The following MMP16 variants were observed in gnomAD, a reference collection of about 807,000 sequenced individuals.
MMP16 encodes matrix metallopeptidase 16, also known as matrix metalloproteinase-16.
MMP16 carries 12 observed loss-of-function variants against 67.8 expected under a neutral mutation model. That is an observed-to-expected ratio of 0.18 (90% CI 0.11 to 0.29). The LOEUF is 0.29. MMP16 is among the 10% of genes least tolerant of loss of function. MMP16 has a pLI of 1.00. For synonymous variants in MMP16, 249 were observed against 255.9 expected, an observed-to-expected ratio of 0.97 and a Z score of 0.26; for missense variants, 475 against 765.7, an observed-to-expected ratio of 0.62 and a Z score of 4.48.
chr8:88,081,633 T>A (rs1808753101), intron 6 of MMP16, among the ~76,000 whole-genome samples: 1 of 152,140 alleles, frequency 6.6e-6, no homozygotes, highest in Non-Finnish European at 1.5e-5. Context: ...ATACCAATGA[T>A]TAGGTTAAAT....
At chr8:88,231,799 C>G (rs1450284064) in intron 1 of MMP16, among the ~76,000 whole-genome samples, 1 of 152,184 alleles carries the variant, frequency 6.6e-6, no homozygotes, top group African/African-American at 2.4e-5. Flanking sequence ...AAAACAAGTT[C>G]TGTAATATGA....
chr8:88,288,718 T>C (rs375435260), intron 1 of MMP16, among the ~76,000 whole-genome samples: 55 of 152,338 alleles, frequency 3.6e-4, no homozygotes, highest in African/African-American at 1.3e-3. Context: ...AGTTTCCACA[T>C]CCTTTCAGGA....
At chr8:88,055,596 A>C (rs2118224248) in intron 8 of MMP16, among the ~76,000 whole-genome samples, 1 of 152,366 alleles carries the variant, frequency 6.6e-6, no homozygotes, top group African/African-American at 2.4e-5. Flanking sequence ...AGAGTAAAAT[A>C]GTTGGGAAAA....
chr8:88,139,631 G>A (rs1307579432), intron 4 of MMP16, among the ~76,000 whole-genome samples: 2 of 152,150 alleles, frequency 1.3e-5, no homozygotes, highest in South Asian at 2.1e-4. Context: ...TTTCTGATAT[G>A]AGCAGAAGAA....
At chr8:88,269,160 T>C (rs1044021913) in intron 1 of MMP16, among the ~76,000 whole-genome samples, 4 of 152,188 alleles carry the variant, frequency 2.6e-5, no homozygotes, top group African/African-American at 9.7e-5. Context: ...AAGGTGTTTC[T>C]ACATTAGCAT....
At chr8:88,276,016 T>C (rs1320289364) in intron 1 of MMP16, among the ~76,000 whole-genome samples, 1 of 152,194 alleles carries the variant, frequency 6.6e-6, no homozygotes, top group African/African-American at 2.4e-5. Flanking sequence ...AGTTGTAACA[T>C]TAAAATCCTA....
chr8:88,317,209 C>A (rs1041775879), intron 1 of MMP16, among the ~76,000 whole-genome samples: 1 of 152,124 alleles, frequency 6.6e-6, no homozygotes, highest in Non-Finnish European at 1.5e-5. Context: ...GGTAAAAATA[C>A]TATCAAACAG....
At chr8:88,275,360 T>A (rs551050186) in intron 1 of MMP16, among the ~76,000 whole-genome samples, 1 of 152,140 alleles carries the variant, frequency 6.6e-6, no homozygotes, top group Non-Finnish European at 1.5e-5. Context: ...ATATAATGCC[T>A]TTCCTTAACA....
At chr8:88,148,157 T>C (rs1808326284) in intron 4 of MMP16, among the ~76,000 whole-genome samples, 1 of 152,240 alleles carries the variant, frequency 6.6e-6, no homozygotes, top group African/African-American at 2.4e-5. Flanking sequence ...TCTAAGGTTC[T>C]GTTTCTCAGC....
intron 1 of MMP16, among the ~76,000 whole-genome samples, chr8:88,230,950 G>A (rs1809850952): frequency 6.6e-6 from 1 of 152,034 alleles, no homozygotes; most frequent in Non-Finnish European, 1.5e-5. Flanking sequence ...TTTACTATCT[G>A]TGCAGATATA....
At chr8:88,193,983 T>C (rs1465869671) in intron 2 of MMP16, among the ~76,000 whole-genome samples, 1 of 151,948 alleles carries the variant, frequency 6.6e-6, no homozygotes, top group African/African-American at 2.4e-5. Context: ...GCTATGCATC[T>C]ATAATTTAAA....
At chr8:88,042,667 G>A (rs1428858456) in intron 9 of MMP16, among the ~76,000 whole-genome samples, 2 of 152,082 alleles carry the variant, frequency 1.3e-5, no homozygotes, top group African/African-American at 4.8e-5. Context: ...ATGGGGAGGA[G>A]GTGGGATGTG....
At chr8:88,051,554 G>A (rs926590646) in intron 8 of MMP16, among the ~76,000 whole-genome samples, 1 of 152,060 alleles carries the variant, frequency 6.6e-6, no homozygotes, top group African/African-American at 2.4e-5. Flanking sequence ...CTCAGAATCA[G>A]TCTTAAAAAT....
At chr8:88,101,059 C>T (rs1809135441) in intron 6 of MMP16, among the ~76,000 whole-genome samples, 3 of 151,842 alleles carry the variant, frequency 2.0e-5, no homozygotes, top group Admixed American at 2.0e-4. Flanking sequence ...ACCAACATGG[C>T]ACATGTATAC....
intron 1 of MMP16, among the ~76,000 whole-genome samples, chr8:88,268,162 G>A (rs1039160069): frequency 2.6e-5 from 4 of 152,116 alleles, no homozygotes; most frequent in Non-Finnish European, 5.9e-5. Flanking sequence ...GACCAACATG[G>A]AGAAACCCTG....
At chr8:88,272,752 T>C (rs1390400540) in intron 1 of MMP16, among the ~76,000 whole-genome samples, 1 of 152,144 alleles carries the variant, frequency 6.6e-6, no homozygotes, top group Non-Finnish European at 1.5e-5. Flanking sequence ...TGCAGAACAG[T>C]GAACATTGAT....
intron 1 of MMP16, among the ~76,000 whole-genome samples, chr8:88,323,304 C>T (rs954438733): frequency 2.6e-5 from 4 of 152,074 alleles, no homozygotes; most frequent in African/African-American, 9.7e-5. Context: ...ATATGCAATA[C>T]AAAAGTACCC....
At chr8:88,097,539 T>C (rs1586149689) in intron 6 of MMP16, among the ~76,000 whole-genome samples, 2 of 142,550 alleles carry the variant, frequency 1.4e-5, no homozygotes, top group Admixed American at 7.4e-5. Context: ...GGTGGGAGGG[T>C]CACTTGAGCC....
chr8:88,085,569 A>G (rs1429545624), intron 6 of MMP16, among the ~76,000 whole-genome samples: 1 of 151,998 alleles, frequency 6.6e-6, no homozygotes, highest in Non-Finnish European at 1.5e-5. Flanking sequence ...AATGCTCAAA[A>G]TGTAGACTTT....
Sources: gnomAD v4.1 joint callset for allele counts (sites outside exome capture counted in the v4.1 genomes callset) on GRCh38, gnomAD v4.1.1 for gene constraint, MANE v1.5 for transcripts, NCBI Gene and HGNC (gene_info 2026-07-23, HGNC 2026-07-21) for gene names.